Variants in PDZD8 observed in about 807,000 individuals in gnomAD.
PDZD8 encodes the protein PDZ domain containing 8, also known as PDZ domain-containing protein 8.
PDZD8 carries 14 observed loss-of-function variants against 85.8 expected under a neutral mutation model. The ratio of observed to expected loss-of-function variants is 0.16; its 90% CI spans 0.11 to 0.26. The LOEUF (loss-of-function observed/expected upper bound fraction) is 0.26, where lower values mean the gene tolerates loss of function less well. Among genes scored for constraint, PDZD8 ranks in the 10% least tolerant of loss-of-function variants. PDZD8 has a pLI of 1.00. For synonymous variants in PDZD8, 592 were observed against 568.6 expected, an observed-to-expected ratio of 1.04 and a Z score of -0.59; for missense variants, 1,197 against 1,424.3, an observed-to-expected ratio of 0.84 and a Z score of 2.57.
In PDZD8 at chr10:117,374,418, G is replaced by C; in HGVS notation, c.810C>G (p.Ile270Met). 1 of 1,614,262 alleles carries C rather than the reference G, an allele frequency of 6.2e-7. No homozygotes were observed. ...TGATCTTCTTGAGCTGGTTGACGATGATGGAGGTGAGCTGGGGCATGGGCC... is the reference window on the plus strand; with the variant it reads ...TGATCTTCTTGAGCTGGTTGACGATCATGGAGGTGAGCTGGGGCATGGGCC... ...EGRPMPQLTS[I>M]IVNQLKKIIK... is the part of the protein sequence containing the mutation. The change falls in exon 1 of 5, where the codon ATC becomes ATG. Residue 270 changes from isoleucine (I) to methionine (M), a missense_variant. Ile to Met is a conservative substitution (Grantham distance 10, BLOSUM62 1). Coordinates refer to ENST00000334464, the MANE Select transcript of PDZD8 (RefSeq NM_173791.5). This position sits in a 1 kb window ranked among gnomAD's most constrained non-coding sequence, Gnocchi z 7.8.
chr10:117,321,445 T>C (rs2133814126), intron 2 of PDZD8, among the ~76,000 whole-genome samples: 1 of 152,260 alleles, frequency 6.6e-6, no homozygotes, highest in East Asian at 1.9e-4. Context: ...TAGGCAAATT[T>C]ATACAGATAG....
chr10:117,353,178 T>C (rs1221929821), intron 1 of PDZD8, among the ~76,000 whole-genome samples: 3 of 152,234 alleles, frequency 2.0e-5, no homozygotes, highest in Admixed American at 6.5e-5. Context: ...TTTAGATATC[T>C]AAAACAGTAC....
intron 3 of PDZD8, among the ~76,000 whole-genome samples, chr10:117,315,566 G>A (rs1424871354): frequency 1.4e-5 from 2 of 142,844 alleles, no homozygotes; most frequent in African/African-American, 5.5e-5. Flanking sequence ...CTCCAGTCTG[G>A]GCGACAGAGC....
At chr10:117,321,003 G>A (rs749952765) in intron 2 of PDZD8, among the ~76,000 whole-genome samples, 9 of 152,096 alleles carry the variant, frequency 5.9e-5, no homozygotes, top group Admixed American at 2.6e-4. Flanking sequence ...AACAAGTATT[G>A]CTGAGGATAT....
In PDZD8 at chr10:117,366,564, CTACCACCACCACCACTGTCACCACCAT is replaced by C. The variant is rs1340763902; in HGVS notation, c.872+7765_872+7791del. Among the ~76,000 whole-genome samples, 4 of 150,588 alleles carry C rather than the reference CTACCACCACCACCACTGTCACCACCAT, an allele frequency of 2.7e-5. No homozygotes were observed. In the South Asian group the frequency reaches 6.3e-4, roughly 24 times the overall value. On this transcript the variant is annotated intron_variant, in intron 1 of 4. Coordinates refer to ENST00000334464, the MANE Select transcript of PDZD8 (RefSeq NM_173791.5). ...ATAAGGTCTGTCACTACCACCACCACTACCACCACCACCACTGTCACCACCATTACCACCACCACCACCACCACCAGT... is the reference window on the plus strand; with the variant it reads ...ATAAGGTCTGTCACTACCACCACCACTACCACCACCACCACCACCACCAGT...
intron 1 of PDZD8, among the ~76,000 whole-genome samples, chr10:117,370,953 T>TGTG (rs1564716335): frequency 6.7e-6 from 1 of 149,512 alleles, no homozygotes; most frequent in Non-Finnish European, 1.5e-5. Flanking sequence ...TGTGTGTGTG[T>TGTG]TTAAAGGTGG....
chr10:117,295,127 C>T (rs1783859872), intron 3 of PDZD8, among the ~76,000 whole-genome samples: 1 of 152,022 alleles, frequency 6.6e-6, no homozygotes, highest in South Asian at 2.1e-4. Context: ...GCCTGGGCAA[C>T]AGAGCTAGAC....
At chr10:117,307,812 G>T (rs939262841) in intron 3 of PDZD8, among the ~76,000 whole-genome samples, 1 of 151,954 alleles carries the variant, frequency 6.6e-6, no homozygotes, top group Non-Finnish European at 1.5e-5. Context: ...TAAGACATAC[G>T]AATTAAGTGT....
chr10:117,288,781 T>G (rs968957850), intron 4 of PDZD8, among the ~76,000 whole-genome samples: 7 of 152,240 alleles, frequency 4.6e-5, no homozygotes, highest in African/African-American at 1.7e-4. Flanking sequence ...GTGCTGGGAT[T>G]ACAGGCATGA....
intron 3 of PDZD8, among the ~76,000 whole-genome samples, chr10:117,294,543 T>C (rs1245697562): frequency 6.6e-6 from 1 of 152,166 alleles, no homozygotes; most frequent in East Asian, 1.9e-4. Flanking sequence ...GATGAAGATA[T>C]ACTTGCACTT....
intron 3 of PDZD8, among the ~76,000 whole-genome samples, chr10:117,315,472 G>A (rs184664987): frequency 1.3e-5 from 2 of 150,366 alleles, no homozygotes; most frequent in East Asian, 2.0e-4. Context: ...GTGCACGCCT[G>A]TAGTCCCAGC....
chr10:117,361,278 T>C (rs918962395), intron 1 of PDZD8, among the ~76,000 whole-genome samples: 1 of 152,114 alleles, frequency 6.6e-6, no homozygotes, highest in Admixed American at 6.5e-5. Flanking sequence ...CTGTAACCCA[T>C]TACCTTACTT....
Position 117,277,317 on chromosome 10 carries a change from T to C in PDZD8, c.*5951A>G. 8.7e-7 allele frequency: 1 copy of C among 1,150,854 alleles called. No individual in the cohort carries two copies. Among genetic ancestry groups the C allele is most frequent in the Non-Finnish European group, 1.3e-6 (1 of 778,312 alleles). The allele number at this position is 1,150,854 out of a possible 1,614,324, so 71.3% of individuals were successfully genotyped here. ...GTGTTTAATTGTATAAAACAGTGTT[T>C]CCAGTGACACAACTCATCCAGAACT... is the stretch of plus-strand genomic sequence containing the variant. On this transcript the variant is annotated 3_prime_UTR_variant, in exon 5 of 5. Coordinates refer to ENST00000334464, the MANE Select transcript of PDZD8 (RefSeq NM_173791.5).
intron 1 of PDZD8, among the ~76,000 whole-genome samples, chr10:117,356,533 A>G (rs1398513284): frequency 6.6e-6 from 1 of 152,218 alleles, no homozygotes; most frequent in Non-Finnish European, 1.5e-5. Context: ...ATCCAGGCCC[A>G]TGCTCTTTTA....
At chr10:117,302,966 T>TGCCTTA (rs1843872291) in intron 3 of PDZD8, among the ~76,000 whole-genome samples, 1 of 152,214 alleles carries the variant, frequency 6.6e-6, no homozygotes, top group Non-Finnish European at 1.5e-5. Flanking sequence ...GTCTCAGGTA[T>TGCCTTA]GCCTTTATCA....
At chr10:117,346,870 A>C (rs12262804) in intron 1 of PDZD8, among the ~76,000 whole-genome samples, 2,740 of 152,072 alleles carry the variant, frequency 0.018, 98 homozygotes, top group African/African-American at 0.064. Context: ...TTTTGGGGCT[A>C]TGTAAGTAGC....
At chr10:117,341,890 A>G (rs2532790) in intron 1 of PDZD8, among the ~76,000 whole-genome samples, 150,723 of 152,312 alleles carry the variant, frequency 0.99, 74,592 homozygotes, top group Middle Eastern at 1. Flanking sequence ...CACAGCAGAG[A>G]TATTCATTAG....
At position 117,375,192 on chromosome 10, in the gene PDZD8, C is replaced by A. The variant is rs776690884; in HGVS notation, c.36G>T (p.Val12=). The change falls in exon 1 of 5, where the codon GTG becomes GTT. Residue 12 remains valine (V), a synonymous_variant. Coordinates refer to ENST00000334464, the MANE Select transcript of PDZD8 (RefSeq NM_173791.5). ...GLLLMILASA[V]LGSFLTLLAQ... The stretch of plus-strand genomic sequence containing the variant: ...CGAGGAGCGTGAGGAAGGAACCCAG[C>A]ACGGCCGACGCCAGGATCATGAGCA... 11 of 1,564,126 alleles carry A rather than the reference C, an allele frequency of 7.0e-6. No homozygotes were observed. In the South Asian group the frequency reaches 1.0e-4, roughly 15 times the overall value.
intron 3 of PDZD8, among the ~76,000 whole-genome samples, chr10:117,300,320 T>A (rs1204224017): frequency 1.3e-5 from 2 of 152,178 alleles, no homozygotes; most frequent in Non-Finnish European, 2.9e-5. Flanking sequence ...AGAATTAGAC[T>A]AATAAGTACA....
Sources: allele counts gnomAD v4.1 joint callset (sites outside exome capture counted in the v4.1 genomes callset), GRCh38; gene constraint gnomAD v4.1.1; non-coding constraint Gnocchi (gnomAD v3.1); transcripts MANE v1.5; gene names NCBI Gene and HGNC (gene_info 2026-07-23, HGNC 2026-07-21).